Variants in BRD4 observed in about 807,000 individuals in gnomAD.
BRD4 encodes bromodomain-containing protein 4.
Under a neutral mutation model 142.1 loss-of-function variants are expected in BRD4, and 16 were observed. That is an observed-to-expected ratio of 0.11 (90% CI 0.08 to 0.17). BRD4 has a LOEUF of 0.17. Ranked by LOEUF, BRD4 falls within the 10% of genes least tolerant of loss-of-function variation. The pLI is 1.00. For missense variants in BRD4, 1,424 were observed against 1,810.9 expected (o/e 0.79, Z 3.88); for synonymous variants, 833 against 707.5 (o/e 1.18, Z -2.82).
At position 15,236,444 on chromosome 19, in the gene BRD4, G is replaced by A. The variant is rs2047192523; in HGVS notation, c.*1933C>T. 1 of 151,838 alleles carries A rather than the reference G, an allele frequency of 6.6e-6. No individual in the cohort carries two copies. The highest frequency in any genetic ancestry group is 2.4e-5 in the African/African-American group (1 of 41,210). 9.4% of individuals were successfully genotyped at this position (151,838 alleles called of 1,614,324 possible). On this transcript the variant is annotated 3_prime_UTR_variant, in exon 20 of 20. Transcript: ENST00000679869. Reference sequence around the variant, plus strand: ...TGGTTAACCCTGAGCTTAAATGAAAGGAGGAGTTAGGTTGAGGCAGGCAAG... The same window carrying A: ...TGGTTAACCCTGAGCTTAAATGAAAAGAGGAGTTAGGTTGAGGCAGGCAAG...
chr19:15,311,859 A>G (rs901590846), intron 1 of BRD4, among the ~76,000 whole-genome samples: 1 of 152,176 alleles, frequency 6.6e-6, no homozygotes, highest in South Asian at 2.1e-4. Context: ...TTCTACTTAT[A>G]TGAATAACTA....
intron 7 of BRD4, among the ~76,000 whole-genome samples, chr19:15,260,003 G>A (rs547273983): frequency 2.6e-4 from 39 of 152,280 alleles, no homozygotes; most frequent in Non-Finnish European, 5.6e-4. Context: ...CACCCGCCAG[G>A]GAACACCGAG....
chr19:15,301,577 A>T (rs1277936915), intron 1 of BRD4, among the ~76,000 whole-genome samples: 1 of 150,390 alleles, frequency 6.6e-6, no homozygotes, highest in Admixed American at 6.6e-5. Flanking sequence ...CAAAAAAAAA[A>T]AAGGCTGGGT....
At chr19:15,310,906 T>C (rs2047964675) in intron 1 of BRD4, among the ~76,000 whole-genome samples, 1 of 152,136 alleles carries the variant, frequency 6.6e-6, no homozygotes, top group Non-Finnish European at 1.5e-5. Context: ...ATCCCCAAAA[T>C]CAGTTTCCGT....
intron 6 of BRD4, 135 bp downstream of exon 6, chr19:15,264,269 G>T: frequency 7.9e-7 from 1 of 1,259,050 alleles, no homozygotes; most frequent in East Asian, 2.4e-5. Flanking sequence ...GAGTTTCTTC[G>T]AGTTGGCGGG....
intron 1 of BRD4, among the ~76,000 whole-genome samples, chr19:15,324,280 A>G (rs2048089455): frequency 6.6e-6 from 1 of 152,246 alleles, no homozygotes; most frequent in Admixed American, 6.5e-5. Flanking sequence ...TGTCAAATTT[A>G]TTCACATTCT....
chr19:15,332,501 A>AGCCCAGCC lies in BRD4; in HGVS notation c.-247_-246insGGCTGGGC, dbSNP rs1555749910. 10 of 157,022 alleles carry AGCCCAGCC rather than the reference A, an allele frequency of 6.4e-5. No homozygotes were observed. The South Asian group carries it at 1.0e-3, about 16-fold the overall frequency. 9.7% of individuals were successfully genotyped at this position (157,022 alleles called of 1,614,324 possible). Reference sequence around the variant, plus strand: ...TGCGGGAGACCAGAACAAACAGCCCAGCCGCCGCCGCCGCCGCCGCCGCCG... The same window carrying AGCCCAGCC: ...TGCGGGAGACCAGAACAAACAGCCCAGCCCAGCCGCCGCCGCCGCCGCCGCCGCCGCCG... On this transcript the variant is annotated 5_prime_UTR_variant, in exon 1 of 20. Transcript: ENST00000679869.
At position 15,267,637 on chromosome 19, in the gene BRD4, GC is replaced by G; in HGVS notation, c.424-87del. 12 of 1,416,590 alleles carry G rather than the reference GC, an allele frequency of 8.5e-6. No homozygotes were observed. In the South Asian group the frequency reaches 1.4e-4, roughly 17 times the overall value. 87.8% of individuals were successfully genotyped at this position (1,416,590 alleles called of 1,614,324 possible). On this transcript the variant is annotated intron_variant, in intron 3 of 19. Coordinates refer to ENST00000679869, the MANE Select transcript of BRD4 (RefSeq NM_001379291.1). ...GGGCACCCCATGCCACCCACCCCCT[GC>G]CCCCAAAACATGAAGCGTCGTATTC...
chr19:15,303,708 T>C (rs2047890670), intron 1 of BRD4, among the ~76,000 whole-genome samples: 2 of 152,260 alleles, frequency 1.3e-5, no homozygotes, highest in South Asian at 2.1e-4. Context: ...ATATAGTCTG[T>C]GTTCTGTTTT....
chr19:15,324,566 CTT>C (rs753299801), intron 1 of BRD4, among the ~76,000 whole-genome samples: 3 of 152,186 alleles, frequency 2.0e-5, no homozygotes, highest in Non-Finnish European at 2.9e-5. Flanking sequence ...GACCAGAATC[CTT>C]TCACCAAGCC....
At chr19:15,273,269 A>T in intron 1 of BRD4, 136 bp from the exon 2 acceptor site, 1 of 801,096 alleles carries the variant, frequency 1.2e-6, no homozygotes, top group Non-Finnish European at 1.9e-6. Context: ...CAGAGGGACC[A>T]CCCCATGCTT....
intron 1 of BRD4, among the ~76,000 whole-genome samples, chr19:15,276,498 ACT>A (rs141468815): frequency 1.9e-3 from 274 of 143,384 alleles, no homozygotes; most frequent in Non-Finnish European, 2.0e-3. Flanking sequence ...AGGCTCACAG[ACT>A]CTCTCTCTCT....
intron 1 of BRD4, among the ~76,000 whole-genome samples, chr19:15,310,964 A>G (rs2047965180): frequency 6.6e-6 from 1 of 151,874 alleles, no homozygotes; most frequent in Non-Finnish European, 1.5e-5. Context: ...AGGCTTCCGC[A>G]CCCACGTTCT....
At chr19:15,263,326 A>AG in intron 7 of BRD4, 94 bp downstream of exon 7, 1 of 1,443,368 alleles carries the variant, frequency 6.9e-7, no homozygotes, top group Non-Finnish European at 9.4e-7. Context: ...GGAAAGTGAC[A>AG]GAAAAAAAAA....
chr19:15,239,326 G>C lies in BRD4; in HGVS notation c.3577-62C>G. ...GCTGTGCCTAAAGGGCATAGCTGGG[G>C]GTGTGCCCAGCATGGCACCTTCCAG... On this transcript the variant is annotated intron_variant, in intron 17 of 19. Transcript: ENST00000679869. The surrounding 1 kb of genome is among the most constrained non-coding windows in gnomAD (Gnocchi z 7.4). The C allele has an allele frequency of 6.2e-7, 1 of 1,614,062 alleles. No homozygotes were observed.
chr19:15,254,860 GA>G (rs2047388580), intron 10 of BRD4, among the ~76,000 whole-genome samples: 1 of 152,186 alleles, frequency 6.6e-6, no homozygotes, highest in Non-Finnish European at 1.5e-5. Flanking sequence ...GAGCTGCCTG[GA>G]AGAGTCCAGA....
chr19:15,315,106 G>A (rs2048005210), intron 1 of BRD4, among the ~76,000 whole-genome samples: 1 of 151,904 alleles, frequency 6.6e-6, no homozygotes, highest in African/African-American at 2.4e-5. Context: ...TAGTAGCACT[G>A]TGCGTGGAGT....
In BRD4 at chr19:15,243,115, G is replaced by A; in HGVS notation, c.2954C>T (p.Pro985Leu). The A allele has an allele frequency of 6.8e-7, 1 of 1,463,580 alleles. No individual in the cohort carries two copies. The highest frequency in any genetic ancestry group is 9.0e-7 in the Non-Finnish European group (1 of 1,105,816). The allele number at this position is 1,463,580 out of a possible 1,614,324, so 90.7% of individuals were successfully genotyped here. A position where few individuals can be genotyped will look rare whatever the true frequency, so the allele number is the denominator to read the frequency against. ...PPPPPPQPQP[P>L]PQQQHQPPPR... ...AGGGGGCTGATGCTGCTGCTGGGGT[G>A]GAGGCTGGGGCTGGGGTGGTGGGGG... The change falls in exon 14 of 20, where the codon CCA becomes CTA. Residue 985 changes from proline (P) to leucine (L), a missense_variant. Transcript: ENST00000679869.
intron 1 of BRD4, among the ~76,000 whole-genome samples, chr19:15,309,942 G>A (rs560155839): frequency 2.7e-4 from 41 of 152,172 alleles, no homozygotes; most frequent in Middle Eastern, 3.4e-3. Flanking sequence ...TGGCTTCACC[G>A]GGGGCTCCTC....
Sources: allele counts gnomAD v4.1 joint callset (sites outside exome capture counted in the v4.1 genomes callset), GRCh38; gene constraint gnomAD v4.1.1; non-coding constraint Gnocchi (gnomAD v3.1); transcripts MANE v1.5; gene names NCBI Gene and HGNC (gene_info 2026-07-23, HGNC 2026-07-21).